Variants in ANK1 observed in about 807,000 individuals in gnomAD.
The protein encoded by ANK1 is ankyrin 1, also known as ankyrin-1.
ANK1 carries 51 observed loss-of-function variants against 210.4 expected under a neutral mutation model. That is an observed-to-expected ratio of 0.24 (90% CI 0.19 to 0.31). The LOEUF is 0.31. ANK1 is among the 10% of genes least tolerant of loss of function. The pLI is 1.00. For synonymous variants in ANK1, 967 were observed against 1,025.9 expected, an observed-to-expected ratio of 0.94 and a Z score of 1.10; for missense variants, 2,051 against 2,504.4, an observed-to-expected ratio of 0.82 and a Z score of 3.86.
At chr8:41,844,281 C>T (rs995820839) in intron 1 of ANK1, among the ~76,000 whole-genome samples, 3 of 152,258 alleles carry the variant, frequency 2.0e-5, no homozygotes, top group South Asian at 2.1e-4. Context: ...ACCATGGGTG[C>T]GACCTGGTCC....
At chr8:41,885,720 A>G (rs966747072) in intron 1 of ANK1, among the ~76,000 whole-genome samples, 1 of 152,230 alleles carries the variant, frequency 6.6e-6, no homozygotes, top group African/African-American at 2.4e-5. Context: ...AATGGTAGCA[A>G]CCAAAGCAGC....
intron 3 of ANK1, among the ~76,000 whole-genome samples, chr8:41,729,471 G>A (rs982575653): frequency 2.0e-5 from 3 of 152,190 alleles, no homozygotes; most frequent in African/African-American, 7.2e-5. Flanking sequence ...ACTCACTGCA[G>A]CCTCCAACTC....
At chr8:41,714,947 C>T in intron 15 of ANK1, 29 bp downstream of exon 15, 1 of 1,608,818 alleles carries the variant, frequency 6.2e-7, no homozygotes, top group Non-Finnish European at 8.5e-7. Flanking sequence ...AACCTGAGAG[C>T]TGCAGGGGAG....
intron 20 of ANK1, among the ~76,000 whole-genome samples, chr8:41,703,656 A>T (rs938802373): frequency 6.6e-6 from 1 of 150,574 alleles, no homozygotes; most frequent in African/African-American, 2.5e-5. Flanking sequence ...CCACATAATT[A>T]AAAAAATTTT....
chr8:41,806,127 G>T (rs1850934384), intron 1 of ANK1, among the ~76,000 whole-genome samples: 1 of 152,184 alleles, frequency 6.6e-6, no homozygotes, highest in Non-Finnish European at 1.5e-5. Flanking sequence ...AGGGTCTTTG[G>T]GGAGCTCCCT....
chr8:41,725,753 G>T lies in ANK1; in HGVS notation c.612+8C>A. On this transcript the variant is annotated splice_region_variant and intron_variant, in intron 6 of 42. Transcript: ENST00000289734. ...GGCCCAAGGCTCCTCCCTCCTCCTCGCCCTCACCTTGGAAAGCACGTCCGG... is the reference window on the plus strand; with the variant it reads ...GGCCCAAGGCTCCTCCCTCCTCCTCTCCCTCACCTTGGAAAGCACGTCCGG... The T allele has an allele frequency of 6.2e-7, 1 of 1,608,116 alleles. No individual in the cohort carries two copies. The highest frequency in any genetic ancestry group is 1.1e-5 in the South Asian group (1 of 90,458).
intron 1 of ANK1, among the ~76,000 whole-genome samples, chr8:41,874,982 G>GGA (rs1413862955): frequency 2.0e-4 from 31 of 152,214 alleles, no homozygotes; most frequent in African/African-American, 5.8e-4. Context: ...AGCACCCTCA[G>GGA]GAGAGACTGG....
intron 40 of ANK1, among the ~76,000 whole-genome samples, chr8:41,663,063 C>T (rs552949067): frequency 3.3e-5 from 5 of 151,892 alleles, no homozygotes; most frequent in South Asian, 4.2e-4. Context: ...TACAGGCATG[C>T]GCCACCATGC....
intron 1 of ANK1, among the ~76,000 whole-genome samples, chr8:41,895,337 G>GA (rs764529268): frequency 0.16 from 24,465 of 152,096 alleles, 2,504 homozygotes; most frequent in East Asian, 0.4. Flanking sequence ...CCAGAGTTCA[G>GA]CATCTCCGAT....
chr8:41,673,554 C>A (rs1813179455), intron 37 of ANK1, among the ~76,000 whole-genome samples: 1 of 152,164 alleles, frequency 6.6e-6, no homozygotes, highest in African/African-American at 2.4e-5. Context: ...AGAAACTCTG[C>A]ATGATCTAAA....
At chr8:41,774,450 C>T (rs1843590165) in intron 1 of ANK1, among the ~76,000 whole-genome samples, 1 of 152,196 alleles carries the variant, frequency 6.6e-6, no homozygotes, top group Non-Finnish European at 1.5e-5. Flanking sequence ...GTAGAAACAG[C>T]CTGGGGACCA....
At chr8:41,774,697 G>C (rs1843635974) in intron 1 of ANK1, among the ~76,000 whole-genome samples, 1 of 152,210 alleles carries the variant, frequency 6.6e-6, no homozygotes. Flanking sequence ...AAGATATTGG[G>C]GTGTCTTGTG....
In ANK1 at chr8:41,672,550, G is replaced by A. The variant is rs1262844423; in HGVS notation, c.4900C>T (p.Leu1634Phe). The change falls in exon 38 of 43, where the codon CTT (leucine) becomes TTT (phenylalanine). Residue 1634 changes from leucine (L) to phenylalanine (F), a missense_variant. Physicochemically the swap from Leu to Phe is conservative, Grantham distance 22. Around this residue, in one of 6 missense-constraint regions of ANK1, gnomAD observed 496 missense variants for 533.4 expected, o/e 0.93. Coordinates refer to ENST00000289734, the MANE Select transcript of ANK1 (RefSeq NM_000037.4). Reference sequence around the variant, plus strand: ...TCCTCCTGTTCAAGCAAATCGATAAGGCCATTTGTGGCATCTGAATCCACT... The same window carrying A: ...TCCTCCTGTTCAAGCAAATCGATAAAGCCATTTGTGGCATCTGAATCCACT... Reference protein sequence around the residue: ...DTVDSDATNGLIDLLEQEEGQ... With the variant: ...DTVDSDATNGFIDLLEQEEGQ... 3 of 1,614,162 alleles carry A rather than the reference G, an allele frequency of 1.9e-6. No individual in the cohort carries two copies. The highest frequency in any genetic ancestry group is 2.5e-6 in the Non-Finnish European group (3 of 1,180,032).
At chr8:41,817,759 G>A (rs961802417) in intron 1 of ANK1, among the ~76,000 whole-genome samples, 8 of 152,274 alleles carry the variant, frequency 5.3e-5, no homozygotes, top group African/African-American at 7.2e-5. Context: ...GCTCTAAACC[G>A]AAGATATACC....
intron 18 of ANK1, 92 bp downstream of exon 18, chr8:41,706,051 G>C: frequency 1.6e-6 from 2 of 1,233,526 alleles, no homozygotes; most frequent in Non-Finnish European, 2.4e-6. Flanking sequence ...TGTCCCACTG[G>C]GTCTTTGGGG....
intron 1 of ANK1, among the ~76,000 whole-genome samples, chr8:41,885,722 C>G (rs192603106): frequency 6.6e-6 from 1 of 152,326 alleles, no homozygotes; most frequent in Admixed American, 6.5e-5. Context: ...TGGTAGCAAC[C>G]AAAGCAGCTC....
At chr8:41,684,508 C>T (rs373051623) in intron 37 of ANK1, 36 bp downstream of exon 37, 4 of 1,612,042 alleles carry the variant, frequency 2.5e-6, no homozygotes, top group Non-Finnish European at 2.5e-6. Context: ...GGGCAGGGCT[C>T]CGGCTCAGTC....
intron 1 of ANK1, among the ~76,000 whole-genome samples, chr8:41,775,865 CAA>C (rs2150740238): frequency 6.6e-6 from 1 of 152,232 alleles, no homozygotes; most frequent in East Asian, 1.9e-4. Context: ...CTAGCCTGGG[CAA>C]AAGAGTGAGA....
intron 1 of ANK1, among the ~76,000 whole-genome samples, chr8:41,843,711 T>C (rs924832367): frequency 3.9e-5 from 6 of 152,220 alleles, no homozygotes; most frequent in Non-Finnish European, 7.3e-5. Context: ...CTCCGCTCTC[T>C]CTGCCAGAGA....
Sources: allele counts gnomAD v4.1 joint callset (sites outside exome capture counted in the v4.1 genomes callset), GRCh38; gene constraint gnomAD v4.1.1; regional missense constraint gnomAD v4.1.1; transcripts MANE v1.5; gene names NCBI Gene and HGNC (gene_info 2026-07-23, HGNC 2026-07-21).